Variants in GALK2 observed in about 807,000 individuals in gnomAD.
The protein encoded by GALK2 is galactokinase 2.
In GALK2, 36 loss-of-function variants were observed where a neutral mutation model predicts 52.4. That is an observed-to-expected ratio of 0.69 (90% CI 0.53 to 0.91). GALK2 has a LOEUF of 0.91. Among genes scored for constraint, GALK2 ranks in the 40% least tolerant of loss-of-function variants. The pLI is 0.00. For missense variants in GALK2, 579 were observed against 559.1 expected, an observed-to-expected ratio of 1.04 and a Z score of -0.36; for synonymous variants, 176 against 199.1, an observed-to-expected ratio of 0.88 and a Z score of 0.98.
intron 1 of GALK2, among the ~76,000 whole-genome samples, chr15:49,182,392 C>T (rs1257924279): frequency 6.6e-6 from 1 of 152,146 alleles, no homozygotes; most frequent in African/African-American, 2.4e-5. Flanking sequence ...ATTCATTTAT[C>T]TGTTGCTGGA....
upstream of GALK2, among the ~76,000 whole-genome samples, chr15:49,165,630 T>A (rs1191953789): frequency 1.3e-5 from 2 of 152,028 alleles, no homozygotes; most frequent in African/African-American, 4.8e-5. Context: ...TGTCAATAAT[T>A]TAAAATATTA....
intron 5 of GALK2, among the ~76,000 whole-genome samples, chr15:49,257,014 A>G (rs1418629590): frequency 6.6e-6 from 1 of 152,152 alleles, no homozygotes; most frequent in African/African-American, 2.4e-5. Context: ...CAGAGGATTT[A>G]TTCATTTATC....
intron 3 of GALK2, among the ~76,000 whole-genome samples, chr15:49,234,817 G>A (rs1008772653): frequency 6.6e-5 from 10 of 151,714 alleles, no homozygotes; most frequent in African/African-American, 2.4e-4. Context: ...CCCAGGCTGG[G>A]GTGCAGTGGC....
intron 5 of GALK2, among the ~76,000 whole-genome samples, chr15:49,247,681 G>T (rs2091417141): frequency 6.6e-6 from 1 of 152,200 alleles, no homozygotes; most frequent in Admixed American, 6.5e-5. Context: ...GGAAGGAAAG[G>T]CTGGGAAACA....
At chr15:49,252,231 A>C (rs1391974592) in intron 5 of GALK2, among the ~76,000 whole-genome samples, 1 of 152,104 alleles carries the variant, frequency 6.6e-6, no homozygotes, top group Non-Finnish European at 1.5e-5. Flanking sequence ...GCACCATTGC[A>C]CTCCAGTCTG....
At chr15:49,168,766 C>G (rs1466611586), upstream of GALK2, among the ~76,000 whole-genome samples, 4 of 73,294 alleles carry the variant, frequency 5.5e-5, no homozygotes, top group Non-Finnish European at 7.7e-5. Context: ...ACTGATGTCC[C>G]TAAACATTTT....
At chr15:49,231,494 A>G (rs1431315350) in intron 3 of GALK2, among the ~76,000 whole-genome samples, 1 of 152,166 alleles carries the variant, frequency 6.6e-6, no homozygotes, top group African/African-American at 2.4e-5. Context: ...TCACATTCCA[A>G]AATTCAGTCA....
At chr15:49,308,460 G>C (rs1432588073) in intron 8 of GALK2, among the ~76,000 whole-genome samples, 1 of 152,192 alleles carries the variant, frequency 6.6e-6, no homozygotes, top group African/African-American at 2.4e-5. Context: ...AGTTATCTCA[G>C]ACCAGCATAT....
chr15:49,170,310 G>C lies in GALK2; in HGVS notation c.-13G>C. 1 of 1,578,682 alleles carries C rather than the reference G, an allele frequency of 6.3e-7. No homozygotes were observed. The highest frequency in any genetic ancestry group is 8.6e-7 in the Non-Finnish European group (1 of 1,161,896). ...CACTTGAAACTACAGGAGAAAGAAG[G>C]ATCTAGCGAAATATGGCTACAGAGA... is the stretch of plus-strand genomic sequence containing the variant. On this transcript the variant is annotated 5_prime_UTR_variant, in exon 1 of 10. Transcript: ENST00000560031.
chr15:49,292,433 A>T lies in GALK2; in HGVS notation c.863A>T (p.Asp288Val), dbSNP rs769009217. Residue 288 changes from aspartate (D) to valine (V), a missense_variant, in exon 8 of 10, where the codon GAT (aspartate) becomes GTT (valine). Coordinates refer to ENST00000560031, the MANE Select transcript of GALK2 (RefSeq NM_002044.4). The stretch of plus-strand genomic sequence containing the variant: ...GAAGAAATGCTGTTGGTCACAGAAG[A>T]TGCCCTTCATCCTGAACCCTATAAC... ...SLEEMLLVTE[D>V]ALHPEPYNPE... 2.5e-6 allele frequency: 4 copies of T among 1,614,032 alleles called. No individual in the cohort carries two copies. Among genetic ancestry groups the T allele is most frequent in the South Asian group, 2.2e-5 (2 of 91,080 alleles).
chr15:49,243,665 G>A (rs544653039), intron 5 of GALK2, among the ~76,000 whole-genome samples: 48 of 152,232 alleles, frequency 3.2e-4, no homozygotes, highest in Middle Eastern at 3.4e-3. Flanking sequence ...AGAGGAAACA[G>A]AGACAATGCT....
intron 8 of GALK2, among the ~76,000 whole-genome samples, chr15:49,294,071 G>T (rs2034202937): frequency 1.3e-5 from 2 of 148,806 alleles, no homozygotes; most frequent in African/African-American, 2.5e-5. Flanking sequence ...CTGCACTCCA[G>T]GGGGAGACCC....
At chr15:49,281,322 G>A (rs76069611) in intron 5 of GALK2, among the ~76,000 whole-genome samples, 23,001 of 152,240 alleles carry the variant, frequency 0.15, 2,237 homozygotes, top group Non-Finnish European at 0.21. Context: ...ATACAATTTC[G>A]TATGCATAAT....
intron 3 of GALK2, among the ~76,000 whole-genome samples, chr15:49,235,281 G>T (rs541940476): frequency 1.6e-4 from 24 of 152,206 alleles, no homozygotes; most frequent in African/African-American, 5.3e-4. Flanking sequence ...CTATTAGTTA[G>T]CATTTTACCA....
chr15:49,156,522 ATG>A (rs1418778690), intron 1 of GALK2: 11 of 507,470 alleles, frequency 2.2e-5, no homozygotes, highest in Non-Finnish European at 4.3e-5. Context: ...TTTCTAAAAT[ATG>A]TGTGTGTTGA....
At position 49,228,687 on chromosome 15, in the gene GALK2, A is replaced by ATATATATATATATATACATATATT. The variant is rs1555409061; in HGVS notation, c.267-7163_267-7162insATATATATATATATACATATATTT. ...TATATATATATATATATATATATAT[A>ATATATATATATATATACATATATT]TTTTTTTTTTTTTTTTTTTTTTTTG... On this transcript the variant is annotated intron_variant, in intron 3 of 9. Transcript: ENST00000560031. Among the ~76,000 whole-genome samples, 3 of 14,274 alleles carry ATATATATATATATATACATATATT rather than the reference A, an allele frequency of 2.1e-4. 1 individual carries two copies. The highest frequency in any genetic ancestry group is 6.9e-4 in the African/African-American group (2 of 2,914). 9.4% of individuals were successfully genotyped at this position (14,274 alleles called of 152,430 possible).
Position 49,267,900 on chromosome 15 carries a change from GT to G in GALK2, c.505-14085del, listed in dbSNP as rs1383699975. ...AAAGAAGAATGAGATAGGTTTTTCT[GT>G]TATAAAACTCTGAATGAAGCAAAAG... On this transcript the variant is annotated intron_variant, in intron 5 of 9. Coordinates refer to ENST00000560031, the MANE Select transcript of GALK2 (RefSeq NM_002044.4). 2.6e-5 allele frequency among the ~76,000 whole-genome samples: 4 copies of G among 152,036 alleles called. No individual in the cohort carries two copies. The East Asian group carries it at 7.7e-4, about 29-fold the overall frequency.
chr15:49,189,750 G>A (rs768865631), intron 1 of GALK2, among the ~76,000 whole-genome samples: 24 of 152,142 alleles, frequency 1.6e-4, no homozygotes, highest in Non-Finnish European at 3.4e-4. Flanking sequence ...GGATATGCTG[G>A]ACAAAGGGAA....
chr15:49,234,560 G>A (rs118028729), intron 3 of GALK2, among the ~76,000 whole-genome samples: 7,595 of 152,084 alleles, frequency 0.05, 278 homozygotes, highest in East Asian at 0.15. Flanking sequence ...ACATGGCAGC[G>A]GGCAAAGAGA....
Sources: gnomAD v4.1 joint callset for allele counts (sites outside exome capture counted in the v4.1 genomes callset) on GRCh38, gnomAD v4.1.1 for gene constraint, MANE v1.5 for transcripts, NCBI Gene and HGNC (gene_info 2026-07-23, HGNC 2026-07-21) for gene names.